The following MNAT1 variants were observed in gnomAD, a reference collection of about 807,000 sequenced individuals.
MNAT1 encodes the protein CDK-activating kinase assembly factor MAT1.
A neutral mutation model predicts 42.0 loss-of-function variants in MNAT1; 43 were observed. The observed-to-expected ratio is 1.02, with a 90% CI of 0.80 to 1.32. The LOEUF (loss-of-function observed/expected upper bound fraction) is 1.32. Ranked by LOEUF, MNAT1 falls within the 40% of genes most tolerant of loss-of-function variation. The probability of loss-of-function intolerance (pLI) is 0.00; values close to 1 mark genes in which losing one functional copy is unlikely to be tolerated. For missense variants in MNAT1, 306 were observed against 350.4 expected (o/e 0.87, Z 1.01); for synonymous variants, 118 against 120.0 (o/e 0.98, Z 0.11).
Position 60,914,260 on chromosome 14 carries a change from C to A in MNAT1, c.809+34425C>A, listed in dbSNP as rs931173300. ...TGACTAGGAAAGGGAATTCCCTGAC[C>A]CCTTGCGCTTCCCGGGTGAGGCGAT... On this transcript the variant is annotated intron_variant, in intron 7 of 7. Coordinates refer to ENST00000261245, the MANE Select transcript of MNAT1 (RefSeq NM_002431.4). 1.3e-5 allele frequency among the ~76,000 whole-genome samples: 2 copies of A among 152,212 alleles called. 1 individual carries two copies. The highest frequency in any genetic ancestry group is 4.1e-4 in the South Asian group (2 of 4,826).
chr14:60,894,470 A>G (rs932727883), intron 7 of MNAT1, among the ~76,000 whole-genome samples: 5 of 151,546 alleles, frequency 3.3e-5, no homozygotes, highest in Non-Finnish European at 5.9e-5. Context: ...CTGATTGTCT[A>G]TTTTTTCCCA....
chr14:60,811,190 T>C (rs1259382760), intron 4 of MNAT1, among the ~76,000 whole-genome samples: 4 of 152,156 alleles, frequency 2.6e-5, no homozygotes, highest in Admixed American at 6.5e-5. Flanking sequence ...TCAATCCATA[T>C]TTGGTCAGTC....
In MNAT1 at chr14:60,755,299, A is replaced by G. The variant is rs147489111; in HGVS notation, c.89+20348A>G. On this transcript the variant is annotated intron_variant, in intron 1 of 7. Transcript: ENST00000261245. ...GCTGGGACTGCAGGCACGTGCCACC[A>G]CACCTGGCTACTTTTTGTATTTTTA... is the stretch of plus-strand genomic sequence containing the variant. Among the ~76,000 whole-genome samples the G allele has an allele frequency of 8.5e-5, 13 of 152,164 alleles. No homozygotes were observed. The East Asian group carries it at 2.5e-3, about 29-fold the overall frequency.
chr14:60,777,055 G>T (rs2031279997), intron 1 of MNAT1, among the ~76,000 whole-genome samples: 2 of 152,064 alleles, frequency 1.3e-5, no homozygotes, highest in Non-Finnish European at 2.9e-5. Flanking sequence ...TCGCCATGTT[G>T]CCCAGGTTGG....
At chr14:60,939,444 T>C (rs1050040174) in intron 7 of MNAT1, among the ~76,000 whole-genome samples, 1 of 152,220 alleles carries the variant, frequency 6.6e-6, no homozygotes, top group Non-Finnish European at 1.5e-5. Context: ...TCTGTTCTCG[T>C]TGGTTTCAAA....
At chr14:60,949,702 T>A (rs376199471) in intron 7 of MNAT1, among the ~76,000 whole-genome samples, 14 of 152,292 alleles carry the variant, frequency 9.2e-5, no homozygotes, top group Admixed American at 5.2e-4. Context: ...CTGGCTAATC[T>A]ATTAAAGCAT....
chr14:60,853,842 T>C (rs2033890079), intron 6 of MNAT1, among the ~76,000 whole-genome samples: 1 of 152,240 alleles, frequency 6.6e-6, no homozygotes, highest in African/African-American at 2.4e-5. Context: ...ATGTGATTGA[T>C]TACATTTTTT....
chr14:60,912,798 T>C (rs1385229166), intron 7 of MNAT1, among the ~76,000 whole-genome samples: 1 of 152,226 alleles, frequency 6.6e-6, no homozygotes, highest in Non-Finnish European at 1.5e-5. Context: ...CTGACAGTTA[T>C]GTGTCTTGGA....
intron 7 of MNAT1, among the ~76,000 whole-genome samples, chr14:60,929,095 C>T (rs1232152937): frequency 6.6e-5 from 9 of 136,392 alleles, no homozygotes; most frequent in South Asian, 2.3e-4. Flanking sequence ...TGCAGTGAGG[C>T]GAGATCATGC....
intron 6 of MNAT1, among the ~76,000 whole-genome samples, chr14:60,820,562 CTA>C (rs571944765): frequency 6.5e-4 from 97 of 148,846 alleles, no homozygotes; most frequent in Non-Finnish European, 1.2e-3. Context: ...CAGTTGCTGA[CTA>C]TAGAATTTGA....
intron 1 of MNAT1, among the ~76,000 whole-genome samples, chr14:60,775,783 A>C (rs2031230932): frequency 6.6e-6 from 1 of 152,144 alleles, no homozygotes; most frequent in African/African-American, 2.4e-5. Context: ...CTATAGTATG[A>C]GGCTAGGTCA....
At chr14:60,819,638 A>G (rs2032820333) in intron 6 of MNAT1, among the ~76,000 whole-genome samples, 1 of 152,140 alleles carries the variant, frequency 6.6e-6, no homozygotes. Flanking sequence ...GTACCACAAA[A>G]TATATGCAAC....
chr14:60,806,172 A>G (rs1012847658), intron 3 of MNAT1, among the ~76,000 whole-genome samples: 3 of 152,236 alleles, frequency 2.0e-5, no homozygotes, highest in Middle Eastern at 3.2e-3. Flanking sequence ...GTGCACATTG[A>G]AAATAATTAT....
intron 6 of MNAT1, among the ~76,000 whole-genome samples, chr14:60,869,007 A>G (rs546414212): frequency 7.7e-6 from 1 of 129,198 alleles, no homozygotes; most frequent in East Asian, 2.1e-4. Flanking sequence ...ACTTTTTTAT[A>G]TTGTGTTATT....
Position 60,769,526 on chromosome 14 carries a change from C to G in MNAT1, c.90-26691C>G, listed in dbSNP as rs4151171. The stretch of plus-strand genomic sequence containing the variant: ...CTTGAACTCCTGGGCTCAAGTGAGC[C>G]TTCTGCTTTGACCTCCCTAAGTGTT... On this transcript the variant is annotated intron_variant, in intron 1 of 7. Transcript: ENST00000261245. 1.5e-3 allele frequency among the ~76,000 whole-genome samples: 230 copies of G among 152,230 alleles called. 2 individuals carry two copies. The highest frequency in any genetic ancestry group is 5.4e-3 in the African/African-American group (226 of 41,526).
intron 7 of MNAT1, among the ~76,000 whole-genome samples, chr14:60,955,242 G>A (rs2036464063): frequency 6.6e-6 from 1 of 151,962 alleles, no homozygotes; most frequent in African/African-American, 2.4e-5. Context: ...TGGAAGTATT[G>A]TCTCCTTTTC....
intron 7 of MNAT1, among the ~76,000 whole-genome samples, chr14:60,951,218 C>A (rs1273404743): frequency 6.7e-6 from 1 of 149,204 alleles, no homozygotes; most frequent in African/African-American, 2.5e-5. Context: ...TTTCCTCCTT[C>A]TGAACAAAAC....
rs1024154159 is a variant in MNAT1 at position 60,740,248 on chromosome 14, C to T, written c.89+5297C>T. ...TCTACTTTTTTCATCACGCACGAGA[C>T]GCAAAGTACAAGATAAGCAAAATCA... is the stretch of plus-strand genomic sequence containing the variant. On this transcript the variant is annotated intron_variant, in intron 1 of 7. Transcript: ENST00000261245. This position sits in a 1 kb window ranked among gnomAD's most constrained non-coding sequence, Gnocchi z 4.1. 2.6e-5 allele frequency among the ~76,000 whole-genome samples: 4 copies of T among 152,166 alleles called. No individual in the cohort carries two copies. The highest frequency in any genetic ancestry group is 3.8e-4 in the East Asian group (2 of 5,202).
At chr14:60,925,673 T>A (rs2035751600) in intron 7 of MNAT1, among the ~76,000 whole-genome samples, 2 of 152,184 alleles carry the variant, frequency 1.3e-5, no homozygotes, top group Admixed American at 1.3e-4. Flanking sequence ...ATATTTACTG[T>A]ATCATCTGTT....
Sources: gnomAD v4.1 joint callset for allele counts (sites outside exome capture counted in the v4.1 genomes callset) on GRCh38, gnomAD v4.1.1 for gene constraint, Gnocchi (gnomAD v3.1) non-coding constraint, MANE v1.5 for transcripts, NCBI Gene and HGNC (gene_info 2026-07-23, HGNC 2026-07-21) for gene names.